PTPRT: variants seen among roughly 807,000 people sequenced by gnomAD.
The protein encoded by PTPRT is protein tyrosine phosphatase receptor type T, also known as receptor-type tyrosine-protein phosphatase T.
Under a neutral mutation model 176.8 loss-of-function variants are expected in PTPRT, and 56 were observed. The ratio of observed to expected loss-of-function variants is 0.32; its 90% CI spans 0.26 to 0.40. The LOEUF (loss-of-function observed/expected upper bound fraction) is 0.40. Among genes scored for constraint, PTPRT ranks in the 10% least tolerant of loss-of-function variants. PTPRT has a pLI of 1.00. For missense variants in PTPRT, 1,540 were observed against 1,908.2 expected (o/e 0.81, Z 3.60); for synonymous variants, 783 against 739.0 (o/e 1.06, Z -0.96).
intron 12 of PTPRT, among the ~76,000 whole-genome samples, chr20:42,283,337 T>C (rs141774875): frequency 1.3e-5 from 2 of 152,248 alleles, no homozygotes; most frequent in African/African-American, 4.8e-5. Flanking sequence ...GCAAGGAAAG[T>C]AAAATGCAAA....
At chr20:42,654,398 C>T (rs1449248571) in intron 7 of PTPRT, among the ~76,000 whole-genome samples, 1 of 152,112 alleles carries the variant, frequency 6.6e-6, no homozygotes, top group Non-Finnish European at 1.5e-5. Flanking sequence ...GAGGACCTCT[C>T]AAAAAGCTGC....
the PTPRT span, among the ~76,000 whole-genome samples, chr20:42,066,650 T>C: frequency 2.0e-5 from 3 of 152,238 alleles, no homozygotes; most frequent in East Asian, 3.8e-4. Flanking sequence ...AGTCAACAAC[T>C]TAACAAAACT....
chr20:42,550,569 C>G (rs2072751041), intron 7 of PTPRT, among the ~76,000 whole-genome samples: 1 of 151,992 alleles, frequency 6.6e-6, no homozygotes, highest in African/African-American at 2.4e-5. Context: ...CAAGTTACCC[C>G]CTATTAACCC....
chr20:42,532,558 T>A (rs1437122803), intron 7 of PTPRT, among the ~76,000 whole-genome samples: 1 of 152,190 alleles, frequency 6.6e-6, no homozygotes, highest in Non-Finnish European at 1.5e-5. Context: ...TGCACCACCA[T>A]GACTTGTTAA....
chr20:42,632,203 A>G (rs1274042095), intron 7 of PTPRT, among the ~76,000 whole-genome samples: 1 of 152,030 alleles, frequency 6.6e-6, no homozygotes, highest in African/African-American at 2.4e-5. Context: ...AAGATCACAC[A>G]TGCTTTCTCC....
At chr20:42,525,083 G>A (rs1473572572) in intron 7 of PTPRT, among the ~76,000 whole-genome samples, 1 of 152,072 alleles carries the variant, frequency 6.6e-6, no homozygotes, top group Non-Finnish European at 1.5e-5. Context: ...TACCTCCCGG[G>A]CCCAAGCTAT....
At chr20:43,042,032 A>T (rs1307559002) in intron 1 of PTPRT, among the ~76,000 whole-genome samples, 6 of 152,212 alleles carry the variant, frequency 3.9e-5, no homozygotes, top group Non-Finnish European at 7.3e-5. Context: ...TGATGTTCAG[A>T]AAGTTCTTTA....
chr20:43,161,294 C>T (rs949475194), intron 1 of PTPRT, among the ~76,000 whole-genome samples: 1 of 151,926 alleles, frequency 6.6e-6, no homozygotes, highest in Admixed American at 6.6e-5. Context: ...TTGCGTTTTT[C>T]GTAGGCAAAC....
chr20:42,360,494 CTT>C (rs1325444866), intron 9 of PTPRT, among the ~76,000 whole-genome samples: 1 of 152,234 alleles, frequency 6.6e-6, no homozygotes, highest in African/African-American at 2.4e-5. Context: ...CCTCAACCTC[CTT>C]TCAGCTTTTA....
intron 4 of PTPRT, among the ~76,000 whole-genome samples, chr20:42,774,065 A>G (rs2077099807): frequency 6.6e-6 from 1 of 151,986 alleles, no homozygotes; most frequent in Non-Finnish European, 1.5e-5. Flanking sequence ...AGTGGTAGAG[A>G]GTTTAGATGT....
Position 42,350,611 on chromosome 20 carries a change from T to C in PTPRT, c.1865+17A>G. The stretch of plus-strand genomic sequence containing the variant: ...GAGAAGAAAAACTGCAGACTCCAAG[T>C]GAAGAACCATCCTCACCTGACAGGA... On this transcript the variant is annotated intron_variant, in intron 11 of 30. Coordinates refer to ENST00000373187, the MANE Select transcript of PTPRT (RefSeq NM_007050.6). 6.4e-7 allele frequency: 1 copy of C among 1,571,708 alleles called. No individual in the cohort carries two copies. Among genetic ancestry groups the C allele is most frequent in the Non-Finnish European group, 8.8e-7 (1 of 1,141,520 alleles).
chr20:42,919,788 C>T (rs1033617367), intron 1 of PTPRT, among the ~76,000 whole-genome samples: 2 of 152,202 alleles, frequency 1.3e-5, no homozygotes, highest in African/African-American at 2.4e-5. Context: ...CATTTACTTA[C>T]GAATGTTCCT....
chr20:42,923,339 A>C (rs1330300864), intron 1 of PTPRT, among the ~76,000 whole-genome samples: 2 of 152,206 alleles, frequency 1.3e-5, no homozygotes, highest in African/African-American at 2.4e-5. Context: ...GTATACTCAG[A>C]AGAAGAAGAC....
At chr20:43,047,345 G>T (rs1283409561) in intron 1 of PTPRT, among the ~76,000 whole-genome samples, 1 of 152,096 alleles carries the variant, frequency 6.6e-6, no homozygotes, top group Non-Finnish European at 1.5e-5. Flanking sequence ...TCTTTTAAGA[G>T]GGGGAAATGG....
intron 7 of PTPRT, among the ~76,000 whole-genome samples, chr20:42,548,835 G>A (rs375836103): frequency 6.6e-6 from 1 of 152,084 alleles, no homozygotes; most frequent in African/African-American, 2.4e-5. Context: ...AAGAGGGAAG[G>A]CAAAATATTA....
chr20:42,351,715 T>C (rs1157857189), intron 10 of PTPRT, among the ~76,000 whole-genome samples: 2 of 136,406 alleles, frequency 1.5e-5, no homozygotes, highest in African/African-American at 5.5e-5. Flanking sequence ...CATTCATTCA[T>C]TCATCAGGTA....
chr20:42,809,300 C>G (rs148055661), intron 2 of PTPRT, among the ~76,000 whole-genome samples: 3 of 152,094 alleles, frequency 2.0e-5, no homozygotes, highest in Non-Finnish European at 2.9e-5. Context: ...AAGGGACACA[C>G]AGCCCTGTCC....
At chr20:42,104,530 C>G (rs768138728) in intron 25 of PTPRT, 39 bp downstream of exon 25, 1 of 1,570,556 alleles carries the variant, frequency 6.4e-7, no homozygotes, top group African/African-American at 1.4e-5. Flanking sequence ...ACAACCCAAA[C>G]TGACTAAGAT....
rs147857207 is a variant in PTPRT at position 43,026,039 on chromosome 20, C to A, written c.89-140107G>T. Among the ~76,000 whole-genome samples the A allele has an allele frequency of 5.9e-3, 891 of 152,048 alleles. 4 individuals carry two copies. Among genetic ancestry groups the A allele is most frequent in the Non-Finnish European group, 9.6e-3 (652 of 67,976 alleles). On this transcript the variant is annotated intron_variant, in intron 1 of 30. Transcript: ENST00000373187. ...TAACTGTTCTGGGATGAATTGTGGC[C>A]CCCCCTCCAAAATTCATATGCTAAA... is the stretch of plus-strand genomic sequence containing the variant.
Sources: allele counts gnomAD v4.1 joint callset (sites outside exome capture counted in the v4.1 genomes callset), GRCh38; gene constraint gnomAD v4.1.1; transcripts MANE v1.5; gene names NCBI Gene and HGNC (gene_info 2026-07-23, HGNC 2026-07-21).